GFM1: variants seen among roughly 807,000 people sequenced by gnomAD.
GFM1 encodes G elongation factor mitochondrial 1.
Under a neutral mutation model 96.2 loss-of-function variants are expected in GFM1, and 62 were observed. That is an observed-to-expected ratio of 0.64 (90% CI 0.53 to 0.80). The LOEUF (loss-of-function observed/expected upper bound fraction) is 0.80, where lower values mean the gene tolerates loss of function less well. Among genes scored for constraint, GFM1 ranks in the 30% least tolerant of loss-of-function variants. GFM1 has a pLI of 0.00. For synonymous variants in GFM1, 282 were observed against 312.9 expected (o/e 0.90, Z 1.04); for missense variants, 852 against 916.6 (o/e 0.93, Z 0.91).
At chr3:158,681,616 T>G (rs940071866) in intron 13 of GFM1, among the ~76,000 whole-genome samples, 5 of 152,192 alleles carry the variant, frequency 3.3e-5, no homozygotes, top group African/African-American at 1.2e-4. Context: ...GGTCCTATTT[T>G]CAAGTAGTTG....
At chr3:158,660,545 G>T (rs899742192) in intron 9 of GFM1, 12 of 311,062 alleles carry the variant, frequency 3.9e-5, no homozygotes, top group South Asian at 2.6e-4. Context: ...ACCATGCCCC[G>T]CCAGTACATG....
chr3:158,653,345 T>C lies in GFM1; in HGVS notation c.876T>C (p.Phe292=). The C allele has an allele frequency of 6.2e-7, 1 of 1,613,770 alleles. No individual in the cohort carries two copies. The highest frequency in any genetic ancestry group is 8.5e-7 in the Non-Finnish European group (1 of 1,179,762). Residue 292 remains phenylalanine (F), a synonymous_variant, in exon 7 of 18, where the codon TTT becomes TTC. Coordinates refer to ENST00000486715, the MANE Select transcript of GFM1 (RefSeq NM_024996.7). ...GAAGAGCTACTCTGAAAAGATCATTTACTCCTGTATTTTTGGGAAGCGCCT... is the reference window on the plus strand; with the variant it reads ...GAAGAGCTACTCTGAAAAGATCATTCACTCCTGTATTTTTGGGAAGCGCCT... ...AIRRATLKRS[F]TPVFLGSALK...
intron 15 of GFM1, among the ~76,000 whole-genome samples, chr3:158,689,595 C>G (rs13318929): frequency 6.6e-6 from 1 of 151,814 alleles, no homozygotes; most frequent in Non-Finnish European, 1.5e-5. Flanking sequence ...GCCAACATGT[C>G]GAAAGCCTGT....
intron 13 of GFM1, chr3:158,666,759 A>T (rs1723732362): frequency 1.3e-6 from 2 of 1,599,666 alleles, no homozygotes; most frequent in South Asian, 1.1e-5. Flanking sequence ...AAGTGAAGAA[A>T]ATTAATGCCA....
At chr3:158,679,336 A>C (rs1290187920) in intron 13 of GFM1, among the ~76,000 whole-genome samples, 1 of 152,210 alleles carries the variant, frequency 6.6e-6, no homozygotes. Context: ...GCTTCATTGC[A>C]GTGGTCTGTT....
At chr3:158,672,625 T>G in intron 13 of GFM1, 4 of 925,226 alleles carry the variant, frequency 4.3e-6, no homozygotes, top group South Asian at 3.2e-5. Flanking sequence ...CCTCAGCTCC[T>G]TCCGACTCCG....
intron 13 of GFM1, among the ~76,000 whole-genome samples, chr3:158,676,279 T>C (rs866999919): frequency 3.3e-5 from 5 of 152,090 alleles, no homozygotes; most frequent in East Asian, 3.9e-4. Context: ...AAAAAAATTT[T>C]AGCTTGACAT....
intron 5 of GFM1, among the ~76,000 whole-genome samples, chr3:158,651,522 A>G (rs974318661): frequency 5.9e-5 from 9 of 152,256 alleles, no homozygotes; most frequent in African/African-American, 2.2e-4. Flanking sequence ...AACTTGTCAC[A>G]TATTTAGTTT....
At chr3:158,654,720 TATGA>T (rs1376764580) in intron 8 of GFM1, 89 bp downstream of exon 8, 2 of 881,730 alleles carry the variant, frequency 2.3e-6, no homozygotes, top group African/African-American at 3.3e-5. Flanking sequence ...CTCTGACTTT[TATGA>T]AAGATTTGGA....
intron 15 of GFM1, among the ~76,000 whole-genome samples, chr3:158,689,091 G>A (rs979471423): frequency 4.6e-5 from 7 of 152,086 alleles, no homozygotes; most frequent in African/African-American, 9.7e-5. Context: ...AACCTGAGGC[G>A]GAAGTATTTG....
chr3:158,662,613 TA>T lies in GFM1; in HGVS notation c.1324-9del. ...GTTTTTTAATTCTTCTGTTTTCTTT[TA>T]AAAAATATTTTAGGAGTCAATTCAT... is the stretch of plus-strand genomic sequence containing the variant. On this transcript the variant is annotated splice_polypyrimidine_tract_variant and intron_variant, in intron 10 of 17. Transcript: ENST00000486715. 1.3e-6 allele frequency: 2 copies of T among 1,536,140 alleles called. No individual in the cohort carries two copies. Among genetic ancestry groups the T allele is most frequent in the Non-Finnish European group, 1.8e-6 (2 of 1,110,090 alleles).
At chr3:158,669,194 C>G in intron 13 of GFM1, 1 of 1,453,440 alleles carries the variant, frequency 6.9e-7, no homozygotes, top group Non-Finnish European at 9.4e-7. Context: ...AAAACAAAAT[C>G]TAAATTCTAA....
At chr3:158,665,548 A>T in intron 12 of GFM1, 74 bp downstream of exon 12, 2 of 1,337,410 alleles carry the variant, frequency 1.5e-6, no homozygotes, top group Non-Finnish European at 2.1e-6. Flanking sequence ...ATAATTCTCA[A>T]TCTAATGTCT....
Position 158,695,523 on chromosome 3 carries a change from C to T in GFM1, c.*4056C>T. 1 of 152,174 alleles carries T rather than the reference C, an allele frequency of 6.6e-6. No individual in the cohort carries two copies. The highest frequency in any genetic ancestry group is 3.4e-3 in the Middle Eastern group (1 of 294). The allele number at this position is 152,174 out of a possible 1,614,324, so 9.4% of individuals were successfully genotyped here. On this transcript the variant is annotated 3_prime_UTR_variant, in exon 18 of 18. Transcript: ENST00000486715. ...GTATATTATTTGTATGTATAGAATT[C>T]CCCCTCATAATCTATTGTACTGTAA...
Position 158,672,168 on chromosome 3 carries a change from G to A in GFM1, c.1601+5782G>A, listed in dbSNP as rs184291369. On this transcript the variant is annotated intron_variant, in intron 13 of 17. Transcript: ENST00000486715. ...CAGTCCCGGGCTGTCTCCAGAGACT[G>A]GAGTATAGACATTCCCCCAGAAACC... is the stretch of plus-strand genomic sequence containing the variant. Among the ~76,000 whole-genome samples, 681 of 152,250 alleles carry A rather than the reference G, an allele frequency of 4.5e-3. 6 individuals carry two copies. Among genetic ancestry groups the A allele is most frequent in the Middle Eastern group, 6.8e-3 (2 of 294 alleles).
chr3:158,669,111 GGA>G, intron 13 of GFM1: 1 of 1,613,304 alleles, frequency 6.2e-7, no homozygotes, highest in Non-Finnish European at 8.5e-7. Context: ...CGTCATTTCT[GGA>G]GATACATTTC....
intron 15 of GFM1, among the ~76,000 whole-genome samples, chr3:158,688,222 A>T (rs1223099161): frequency 6.6e-6 from 1 of 152,212 alleles, no homozygotes; most frequent in East Asian, 1.9e-4. Flanking sequence ...TTGACTACAG[A>T]TCTGCTGGAG....
chr3:158,660,724 G>T (rs956218149), intron 9 of GFM1, 150 bp from the exon 10 acceptor site: 7 of 684,894 alleles, frequency 1.0e-5, no homozygotes, highest in Non-Finnish European at 1.8e-5. Context: ...TTATTGTATT[G>T]GTTCTAGCTA....
rs531893977 is a variant in GFM1, at chr3:158,659,275, T to C, written c.1221+216T>C. ...TTTTTTAATACCGCTAGTTGTGAATTAGCTATATTTTCTCAAGGGCCAAGG... is the reference window on the plus strand; with the variant it reads ...TTTTTTAATACCGCTAGTTGTGAATCAGCTATATTTTCTCAAGGGCCAAGG... On this transcript the variant is annotated intron_variant, in intron 9 of 17. Coordinates refer to ENST00000486715, the MANE Select transcript of GFM1 (RefSeq NM_024996.7). 3.3e-5 allele frequency among the ~76,000 whole-genome samples: 5 copies of C among 152,290 alleles called. No individual in the cohort carries two copies. The East Asian group carries it at 9.6e-4, about 29-fold the overall frequency.
Sources: allele counts gnomAD v4.1 joint callset (sites outside exome capture counted in the v4.1 genomes callset), GRCh38; gene constraint gnomAD v4.1.1; transcripts MANE v1.5; gene names NCBI Gene and HGNC (gene_info 2026-07-23, HGNC 2026-07-21).